The following VEZT variants were observed in gnomAD, a reference collection of about 807,000 sequenced individuals.
VEZT encodes the protein vezatin.
Under a neutral mutation model 79.9 loss-of-function variants are expected in VEZT, and 39 were observed. That is an observed-to-expected ratio of 0.49 (90% CI 0.38 to 0.64). The LOEUF is 0.64. VEZT is among the 30% of genes least tolerant of loss of function. VEZT has a pLI of 0.00. For missense variants in VEZT, 837 were observed against 893.1 expected (o/e 0.94, Z 0.80); for synonymous variants, 325 against 327.6 (o/e 0.99, Z 0.09).
In VEZT at chr12:95,282,396, T is replaced by C. The variant is rs1268371109; in HGVS notation, c.1080T>C (p.Pro360=). ...ALLLSTANSP[P]GPLLTPALLP... is the part of the protein sequence containing the mutation. ...TACTTTCTACAGCCAATTCACCTCC[T>C]GGGCCCTTACTTACTCCAGCACTTC... Residue 360 remains proline, a synonymous_variant, in exon 8 of 12, where the codon CCT becomes CCC. Transcript: ENST00000436874. 6.2e-7 allele frequency: 1 copy of C among 1,614,028 alleles called. No individual in the cohort carries two copies.
chr12:95,253,544 T>C (rs2062959220), intron 2 of VEZT, among the ~76,000 whole-genome samples: 1 of 152,198 alleles, frequency 6.6e-6, no homozygotes, highest in Admixed American at 6.5e-5. Flanking sequence ...TTAATAAGCT[T>C]GGATTTGAGG....
chr12:95,221,732 C>T (rs1223983439), intron 1 of VEZT, among the ~76,000 whole-genome samples: 1 of 151,776 alleles, frequency 6.6e-6, no homozygotes, highest in Non-Finnish European at 1.5e-5. Flanking sequence ...GTCTGTAATG[C>T]CAGCTACTCC....
intron 7 of VEZT, among the ~76,000 whole-genome samples, chr12:95,276,259 C>CTTTT (rs35034660): frequency 5.5e-4 from 41 of 75,136 alleles, no homozygotes; most frequent in Non-Finnish European, 6.8e-4. Context: ...TAATTTTTTT[C>CTTTT]TTTTTTTTTT....
Position 95,251,995 on chromosome 12 carries a change from G to A in VEZT, c.92G>A (p.Cys31Tyr), listed in dbSNP as rs768263816. 6.2e-6 allele frequency: 10 copies of A among 1,612,340 alleles called. No homozygotes were observed. The African/African-American group carries it at 1.3e-4, about 22-fold the overall frequency. The stretch of plus-strand genomic sequence containing the variant: ...CTGGGACACACAGACTTTGAAATAT[G>A]TTCTTCTTTGTCACCAAAAACAGAA... ...QDLGHTDFEI[C>Y]SSLSPKTEKC... Residue 31 changes from cysteine to tyrosine, a missense_variant, in exon 2 of 12, where the codon TGT (cysteine) becomes TAT (tyrosine). By Grantham distance (194) the Cys-to-Tyr change is radical. Transcript: ENST00000436874.
intron 3 of VEZT, among the ~76,000 whole-genome samples, chr12:95,262,592 C>T (rs902829827): frequency 6.6e-6 from 1 of 152,238 alleles, no homozygotes; most frequent in East Asian, 1.9e-4. Flanking sequence ...TTTTCCATGT[C>T]GTGCCCTAGC....
Position 95,262,972 on chromosome 12 carries a change from G to A in VEZT, c.325G>A (p.Val109Met), listed in dbSNP as rs748361097. The part of the protein sequence containing the change: ...LQQEVLLQED[V>M]ELIELLDPSI... Reference sequence around the variant, plus strand: ...ACAGGAAGTCCTGTTACAAGAGGATGTGGAGCTGATTGAGCTACTTGATCC... The same window carrying A: ...ACAGGAAGTCCTGTTACAAGAGGATATGGAGCTGATTGAGCTACTTGATCC... Residue 109 changes from valine to methionine, a missense_variant, in exon 4 of 12, where the codon GTG becomes ATG. Transcript: ENST00000436874. 7.4e-6 allele frequency: 12 copies of A among 1,613,432 alleles called. No homozygotes were observed. The highest frequency in any genetic ancestry group is 1.1e-5 in the South Asian group (1 of 91,028).
At chr12:95,255,093 T>C (rs2063252307) in intron 2 of VEZT, among the ~76,000 whole-genome samples, 1 of 152,166 alleles carries the variant, frequency 6.6e-6, no homozygotes, top group Non-Finnish European at 1.5e-5. Flanking sequence ...CATTTTCTTC[T>C]ACATGTGCCC....
At chr12:95,223,821 A>AT (rs1482785595) in intron 1 of VEZT, among the ~76,000 whole-genome samples, 2 of 151,908 alleles carry the variant, frequency 1.3e-5, no homozygotes, top group East Asian at 1.9e-4. Flanking sequence ...GTGGTTTTAA[A>AT]TTTTTTTAAA....
intron 1 of VEZT, among the ~76,000 whole-genome samples, chr12:95,224,784 A>G (rs1403704550): frequency 6.6e-6 from 1 of 152,206 alleles, no homozygotes; most frequent in African/African-American, 2.4e-5. Flanking sequence ...ATCCTAATGC[A>G]CAGTGACTGG....
rs775493483 is a variant in VEZT at position 95,262,913 on chromosome 12, G to A, written c.266G>A (p.Gly89Glu). The A allele has an allele frequency of 6.3e-7, 1 of 1,587,846 alleles. No individual in the cohort carries two copies. The highest frequency in any genetic ancestry group is 1.7e-5 in the Admixed American group (1 of 58,654). Residue 89 changes from glycine (G) to glutamate (E), a missense_variant, in exon 4 of 12, where the codon GGA becomes GAA. Coordinates refer to ENST00000436874, the MANE Select transcript of VEZT (RefSeq NM_017599.4). ...KDDLLHKLDI[G>E]FRLDSLHTIL... is the part of the protein sequence containing the mutation. Reference sequence around the variant, plus strand: ...TGGTATTTTAATGGCAAGGATATTGGATTCCGACTCGACTCATTACATACC... The same window carrying A: ...TGGTATTTTAATGGCAAGGATATTGAATTCCGACTCGACTCATTACATACC...
In VEZT at chr12:95,283,658, G is replaced by T. The variant is rs1594016904; in HGVS notation, c.1328+1014G>T. Among the ~76,000 whole-genome samples the T allele has an allele frequency of 2.0e-5, 3 of 152,350 alleles. No homozygotes were observed. The East Asian group carries it at 5.8e-4, about 29-fold the overall frequency. On this transcript the variant is annotated intron_variant, in intron 8 of 11. Coordinates refer to ENST00000436874, the MANE Select transcript of VEZT (RefSeq NM_017599.4). ...AAGGATAGGAACTTAAAGTCAGAAA[G>T]ATATTTTTAGAAGCTAAGTTTTTAC...
chr12:95,226,845 A>G (rs1011692767), intron 1 of VEZT, among the ~76,000 whole-genome samples: 1 of 152,186 alleles, frequency 6.6e-6, no homozygotes, highest in Non-Finnish European at 1.5e-5. Flanking sequence ...TGTACTTTCA[A>G]TGTTAATTCC....
At chr12:95,266,247 TTTTA>T (rs2065511150) in intron 4 of VEZT, 106 bp from the exon 5 acceptor site, 1 of 1,212,294 alleles carries the variant, frequency 8.2e-7, no homozygotes, top group Non-Finnish European at 1.1e-6. Flanking sequence ...GAAGCTAGCA[TTTTA>T]TTTATTTAGT....
In VEZT at chr12:95,287,827, A is replaced by G. The variant is rs972360573; in HGVS notation, c.1492A>G (p.Lys498Glu). 1 of 1,604,524 alleles carries G rather than the reference A, an allele frequency of 6.2e-7. No homozygotes were observed. The highest frequency in any genetic ancestry group is 1.7e-5 in the Admixed American group (1 of 58,848). Residue 498 changes from lysine to glutamate, a missense_variant, in exon 9 of 12, where the codon AAA becomes GAA. Transcript: ENST00000436874. ...GGAAGAGGCCATTTCTCAGGTCGACAAACTGCTACGAAGAAATACAGATAA... is the reference window on the plus strand; with the variant it reads ...GGAAGAGGCCATTTCTCAGGTCGACGAACTGCTACGAAGAAATACAGATAA... ...CWEEAISQVD[K>E]LLRRNTDKKG... is the part of the protein sequence containing the mutation.
Position 95,302,782 on chromosome 12 carries a change from A to C in VEZT, c.*2109A>C. ...GTAATGTTTATGTCCAATAAAATCT[A>C]GGAACCTCTGTCTGGAACTTTGCTC... On this transcript the variant is annotated 3_prime_UTR_variant, in exon 12 of 12. Coordinates refer to ENST00000436874, the MANE Select transcript of VEZT (RefSeq NM_017599.4). The C allele has an allele frequency of 6.6e-6, 1 of 152,238 alleles. No homozygotes were observed. Among genetic ancestry groups the C allele is most frequent in the East Asian group, 1.9e-4 (1 of 5,202 alleles). 9.4% of individuals were successfully genotyped at this position (152,238 alleles called of 1,614,324 possible). A position where few individuals can be genotyped will look rare whatever the true frequency, so the allele number is the denominator to read the frequency against.
At chr12:95,264,297 T>C (rs1203259142) in intron 4 of VEZT, among the ~76,000 whole-genome samples, 2 of 152,200 alleles carry the variant, frequency 1.3e-5, no homozygotes, top group Non-Finnish European at 2.9e-5. Flanking sequence ...TACCCACAAA[T>C]ATAATCAAGC....
chr12:95,273,411 G>A (rs2067029398), intron 6 of VEZT, among the ~76,000 whole-genome samples: 2 of 152,132 alleles, frequency 1.3e-5, no homozygotes, highest in Non-Finnish European at 1.5e-5. Flanking sequence ...TTGCTCTTAT[G>A]TATGTATGCA....
intron 1 of VEZT, among the ~76,000 whole-genome samples, chr12:95,249,039 A>G (rs562198420): frequency 6.6e-6 from 1 of 152,306 alleles, no homozygotes; most frequent in East Asian, 1.9e-4. Context: ...TTCAGTGTCT[A>G]TAAATAAAGT....
Position 95,227,968 on chromosome 12 carries a change from C to A in VEZT, c.36+10082C>A, listed in dbSNP as rs75738006. Among the ~76,000 whole-genome samples the A allele has an allele frequency of 3.4e-3, 514 of 152,290 alleles. 1 individual carries two copies. Among genetic ancestry groups the A allele is most frequent in the Middle Eastern group, 0.027 (8 of 294 alleles). ...AGGGATCTTTTACTCAAATCTCTTG[C>A]CTTGGTAACCTTATCCTCTGTAGGT... is the stretch of plus-strand genomic sequence containing the variant. On this transcript the variant is annotated intron_variant, in intron 1 of 11. Coordinates refer to ENST00000436874, the MANE Select transcript of VEZT (RefSeq NM_017599.4).
Sources: allele counts gnomAD v4.1 joint callset (sites outside exome capture counted in the v4.1 genomes callset), GRCh38; gene constraint gnomAD v4.1.1; transcripts MANE v1.5; gene names NCBI Gene and HGNC (gene_info 2026-07-23, HGNC 2026-07-21).